Variants in DCHS1 observed in about 807,000 individuals in gnomAD.
DCHS1 encodes the protein protocadherin-16.
In DCHS1, 78 loss-of-function variants were observed where a neutral mutation model predicts 213.9. The observed-to-expected ratio is 0.36, with a 90% CI of 0.30 to 0.44. DCHS1 has a LOEUF of 0.44. DCHS1 is among the 20% of genes least tolerant of loss of function. DCHS1 has a pLI of 1.00. For synonymous variants in DCHS1, 1,828 were observed against 1,873.7 expected (o/e 0.98, Z 0.63); for missense variants, 3,946 against 4,395.9 (o/e 0.90, Z 2.89).
At position 6,625,209 on chromosome 11, in the gene DCHS1, T is replaced by C; in HGVS notation, c.7135A>G (p.Ser2379Gly). 5 of 1,594,352 alleles carry C rather than the reference T, an allele frequency of 3.1e-6. No individual in the cohort carries two copies. The highest frequency in any genetic ancestry group is 4.3e-6 in the Non-Finnish European group (5 of 1,168,980). Residue 2379 changes from serine to glycine, a missense_variant, in exon 19 of 21, where the codon AGC becomes GGC. By Grantham distance (56) the Ser-to-Gly change is moderately conservative (BLOSUM62 0). Around this residue, in one of 3 missense-constraint regions of DCHS1, gnomAD observed 3,384 missense variants for 3,780.1 expected, o/e 0.90. Transcript: ENST00000299441. This position sits in a 1 kb window ranked among gnomAD's most constrained non-coding sequence, Gnocchi z 5.3. ...ATGGGTGTCAATACCTGGTAGAGGC[T>C]CTGTGAGAAGGCAGGTGCATTGTCA... The part of the protein sequence containing the change: ...VNDNAPAFSQ[S>G]LYQVMLLEHT...
chr11:6,631,272 T>A (rs1365905709), intron 8 of DCHS1, 39 bp downstream of exon 8: 1 of 1,613,884 alleles, frequency 6.2e-7, no homozygotes, highest in South Asian at 1.1e-5. Flanking sequence ...CATGAGGGCA[T>A]GCCATCACCC....
rs745506251 is a variant in DCHS1 at position 6,640,165 on chromosome 11, A to G, written c.1449T>C (p.Pro483=). The change falls in exon 2 of 21, where the codon CCT becomes CCC. Residue 483 remains proline, a synonymous_variant. Coordinates refer to ENST00000299441, the MANE Select transcript of DCHS1 (RefSeq NM_003737.4). The surrounding 1 kb of genome is among the most constrained non-coding windows in gnomAD (Gnocchi z 6.5). The part of the protein sequence containing the change: ...DRQLYRPEPL[P]EVALPGSFVV... ...CAAAGCTGCCAGGCAGCGCAACCTC[A>G]GGCAGGGGCTCAGGTCGGTAGAGCT... The G allele has an allele frequency of 1.2e-6, 2 of 1,613,652 alleles. No homozygotes were observed. The highest frequency in any genetic ancestry group is 3.3e-5 in the Admixed American group (2 of 59,972).
Position 6,639,847 on chromosome 11 carries a change from C to T in DCHS1, c.1767G>A (p.Glu589=). 6.2e-7 allele frequency: 1 copy of T among 1,607,608 alleles called. No homozygotes were observed. The highest frequency in any genetic ancestry group is 8.5e-7 in the Non-Finnish European group (1 of 1,175,512). The change falls in exon 2 of 21, where the codon GAG becomes GAA. Residue 589 remains glutamate, a synonymous_variant. Transcript: ENST00000299441. ...GGAAGCAAGTTCCAGGCTGGGTGCC[C>T]TCAGGCAGTGAGGCATTGTAGAAAG... ...QRTFYNASLP[E]GTQPGTCFLQ...
At chr11:6,636,936 G>C (rs541802429) in intron 2 of DCHS1, among the ~76,000 whole-genome samples, 1 of 152,150 alleles carries the variant, frequency 6.6e-6, no homozygotes, top group African/African-American at 2.4e-5. Flanking sequence ...AATCCGACCA[G>C]CCCAAAACTA....
Position 6,626,515 on chromosome 11 carries a change from G to C in DCHS1, c.6364+37C>G. 6.2e-7 allele frequency: 1 copy of C among 1,610,292 alleles called. No homozygotes were observed. The highest frequency in any genetic ancestry group is 8.5e-7 in the Non-Finnish European group (1 of 1,176,878). On this transcript the variant is annotated intron_variant, in intron 15 of 20. Coordinates refer to ENST00000299441, the MANE Select transcript of DCHS1 (RefSeq NM_003737.4). This position sits in a 1 kb window ranked among gnomAD's most constrained non-coding sequence, Gnocchi z 5.2. ...ATGCAAAGAACCTGCTTCCCCAGTAGCCTGTCCTGCACAGAGCCCCTGCTC... is the reference window on the plus strand; with the variant it reads ...ATGCAAAGAACCTGCTTCCCCAGTACCCTGTCCTGCACAGAGCCCCTGCTC...
rs1431007880 is a variant in DCHS1 at position 6,624,290 on chromosome 11, C to T, written c.7386G>A (p.Arg2462=). ...GCACGTGCACTGTGGCTCGTGCTGCCCGGCCTGGAGCCCCGTGGTCTCGTG... is the reference window on the plus strand; with the variant it reads ...GCACGTGCACTGTGGCTCGTGCTGCTCGGCCTGGAGCCCCGTGGTCTCGTG... ...LEARDHGAPG[R]AARATVHVQL... is the part of the protein sequence containing the mutation. Residue 2462 remains arginine (R), a synonymous_variant, in exon 21 of 21, where the codon CGG becomes CGA. Coordinates refer to ENST00000299441, the MANE Select transcript of DCHS1 (RefSeq NM_003737.4). The T allele has an allele frequency of 1.3e-6, 2 of 1,598,230 alleles. No homozygotes were observed. Among genetic ancestry groups the T allele is most frequent in the African/African-American group, 2.7e-5 (2 of 74,684 alleles).
chr11:6,634,075 C>A (rs1398733961), intron 3 of DCHS1, 43 bp downstream of exon 3: 2 of 1,599,876 alleles, frequency 1.3e-6, no homozygotes, highest in Non-Finnish European at 1.7e-6. Context: ...CTGGTGAGTG[C>A]CCTACCCCAA....
Position 6,627,804 on chromosome 11 carries a change from A to C in DCHS1, c.5372-137T>G. 3 of 1,017,156 alleles carry C rather than the reference A, an allele frequency of 2.9e-6. No individual in the cohort carries two copies. The highest frequency in any genetic ancestry group is 4.2e-6 in the Non-Finnish European group (3 of 720,718). 63.0% of individuals were successfully genotyped at this position (1,017,156 alleles called of 1,614,324 possible). A position where few individuals can be genotyped will look rare whatever the true frequency, so the allele number is the denominator to read the frequency against. On this transcript the variant is annotated intron_variant, in intron 13 of 20. Transcript: ENST00000299441. This position sits in a 1 kb window ranked among gnomAD's most constrained non-coding sequence, Gnocchi z 5.4. ...AGAAAGGAAGAAAAACAGAAACAGA[A>C]AGTAAAAGAAGATACTATAAAGCAG... is the stretch of plus-strand genomic sequence containing the variant.
chr11:6,625,868 G>C lies in DCHS1; in HGVS notation c.6731+52C>G, dbSNP rs1564860802. ...ACCAGATGAGTTCAAGGCAGGGCTT[G>C]AAACTGGACAGGCCCAAGATGGGGT... On this transcript the variant is annotated intron_variant, in intron 17 of 20. Coordinates refer to ENST00000299441, the MANE Select transcript of DCHS1 (RefSeq NM_003737.4). This position sits in a 1 kb window ranked among gnomAD's most constrained non-coding sequence, Gnocchi z 5.3. 1.2e-6 allele frequency: 2 copies of C among 1,600,600 alleles called. No individual in the cohort carries two copies. The highest frequency in any genetic ancestry group is 1.7e-6 in the Non-Finnish European group (2 of 1,173,634).
At chr11:6,649,071 C>T (rs542378301) in intron 1 of DCHS1, among the ~76,000 whole-genome samples, 43 of 152,102 alleles carry the variant, frequency 2.8e-4, no homozygotes, top group Middle Eastern at 6.8e-3. Context: ...ATGTCCAGCA[C>T]ACAGTGAACG....
At chr11:6,646,678 T>C (rs1856160631) in intron 1 of DCHS1, among the ~76,000 whole-genome samples, 1 of 152,192 alleles carries the variant, frequency 6.6e-6, no homozygotes, top group South Asian at 2.1e-4. Context: ...CTGTCCCCGG[T>C]CCTGCTACTT....
Position 6,628,510 on chromosome 11 carries a change from T to C in DCHS1, c.5371+111A>G. On this transcript the variant is annotated intron_variant, in intron 13 of 20. Transcript: ENST00000299441. This position sits in a 1 kb window ranked among gnomAD's most constrained non-coding sequence, Gnocchi z 4.3. ...AGCATGAAAGAAAAGGTGGACGACA[T>C]CAAGAGGGAAAAGGAGACCCAGACA... The C allele has an allele frequency of 8.2e-7, 1 of 1,223,350 alleles. No homozygotes were observed. The highest frequency in any genetic ancestry group is 1.3e-5 in the South Asian group (1 of 77,532). The allele number at this position is 1,223,350 out of a possible 1,614,324, so 75.8% of individuals were successfully genotyped here.
At position 6,622,311 on chromosome 11, in the gene DCHS1, C is replaced by A. The variant is rs1291195508; in HGVS notation, c.9365G>T (p.Gly3122Val). 1 of 1,605,662 alleles carries A rather than the reference C, an allele frequency of 6.2e-7. No individual in the cohort carries two copies. Among genetic ancestry groups the A allele is most frequent in the African/African-American group, 1.3e-5 (1 of 74,924 alleles). The change falls in exon 21 of 21, where the codon GGC (glycine) becomes GTC (valine). Residue 3122 changes from glycine (G) to valine (V), a missense_variant. Gly to Val is a moderately radical substitution (Grantham distance 109). This residue lies in a region of DCHS1 where 554 missense variants were observed against 590.2 expected (regional missense o/e 0.94). Transcript: ENST00000299441. This position sits in a 1 kb window ranked among gnomAD's most constrained non-coding sequence, Gnocchi z 5.4. The stretch of plus-strand genomic sequence containing the variant: ...AGTGGGTGCAGGGCTCAGGCCACAG[C>A]CCCCCAGGAAGGCTGTGGCAGTGGC... Reference protein sequence around the residue: ...PPATATAFLGGCGLSPAPTGD... With the variant: ...PPATATAFLGVCGLSPAPTGD...
Position 6,622,180 on chromosome 11 carries a change from G to C in DCHS1, c.9496C>G (p.Leu3166Val), listed in dbSNP as rs1391379315. ...TGGAACTGAGGGCACCAGCTCAGCA[G>C]GTAGTCCCAGTTATAGCTGCCACGG... ...ELRGSYNWDY[L>V]LSWCPQFQPL... The change falls in exon 21 of 21, where the codon CTG becomes GTG. Residue 3166 changes from leucine (L) to valine (V), a missense_variant. Leu to Val is a conservative substitution (Grantham distance 32). Coordinates refer to ENST00000299441, the MANE Select transcript of DCHS1 (RefSeq NM_003737.4). This position sits in a 1 kb window ranked among gnomAD's most constrained non-coding sequence, Gnocchi z 5.4. 1.2e-6 allele frequency: 2 copies of C among 1,609,066 alleles called. No homozygotes were observed. The highest frequency in any genetic ancestry group is 1.3e-5 in the African/African-American group (1 of 74,880).
At position 6,626,006 on chromosome 11, in the gene DCHS1, C is replaced by T. The variant is rs767481546; in HGVS notation, c.6645G>A (p.Pro2215=). ...GGTCTACGTGGAACAATCCACGTGC[C>T]GGCTGGGATGCAGCCAGACTGTAGG... ...QISYSLAASQ[P]ARGLFHVDPT... is the part of the protein sequence containing the mutation. Residue 2215 remains proline, a synonymous_variant, in exon 17 of 21, where the codon CCG becomes CCA. Coordinates refer to ENST00000299441, the MANE Select transcript of DCHS1 (RefSeq NM_003737.4). The surrounding 1 kb of genome is among the most constrained non-coding windows in gnomAD (Gnocchi z 5.2). 1.4e-5 allele frequency: 22 copies of T among 1,612,766 alleles called. No homozygotes were observed. Among genetic ancestry groups the T allele is most frequent in the Admixed American group, 1.7e-5 (1 of 59,866 alleles).
chr11:6,634,219 A>C lies in DCHS1; in HGVS notation c.1885T>G (p.Phe629Val). The change falls in exon 3 of 21, where the codon TTC (phenylalanine) becomes GTC (valine). Residue 629 changes from phenylalanine (F) to valine (V), a missense_variant. Phe to Val is a conservative substitution (Grantham distance 50, BLOSUM62 -1). This residue lies in a region of DCHS1 where 3,384 missense variants were observed against 3,780.1 expected (regional missense o/e 0.90). Coordinates refer to ENST00000299441, the MANE Select transcript of DCHS1 (RefSeq NM_003737.4). The part of the protein sequence containing the change: ...AGLGSSGSPP[F>V]RIDAHSGDVC... The stretch of plus-strand genomic sequence containing the variant: ...TCACCGCTGTGGGCATCAATGCGGA[A>C]TGGGGGAGATCCGGAGGACCCAAGT... The C allele has an allele frequency of 6.2e-7, 1 of 1,613,942 alleles. No individual in the cohort carries two copies. Among genetic ancestry groups the C allele is most frequent in the East Asian group, 2.2e-5 (1 of 44,884 alleles).
Position 6,631,727 on chromosome 11 carries a change from G to T in DCHS1, c.3564C>A (p.Ser1188Arg). ...CAGTGCCTGTGGTGCTGCGGGGTGG[G>T]CTCCCTCCATCCTGCACCTGCACCA... ...QLLVQVQDGG[S>R]PPRSTTGTVH... Residue 1188 changes from serine (S) to arginine (R), a missense_variant, in exon 7 of 21, where the codon AGC (serine) becomes AGA (arginine). Ser to Arg is a moderately radical substitution (Grantham distance 110). This residue lies in a region of DCHS1 where 3,384 missense variants were observed against 3,780.1 expected (regional missense o/e 0.90). Coordinates refer to ENST00000299441, the MANE Select transcript of DCHS1 (RefSeq NM_003737.4). 2 of 1,609,122 alleles carry T rather than the reference G, an allele frequency of 1.2e-6. No homozygotes were observed. Among genetic ancestry groups the T allele is most frequent in the Non-Finnish European group, 8.5e-7 (1 of 1,177,548 alleles).
chr11:6,653,014 A>G (rs1387212966), intron 1 of DCHS1, among the ~76,000 whole-genome samples: 2 of 152,120 alleles, frequency 1.3e-5, no homozygotes, highest in African/African-American at 2.4e-5. Flanking sequence ...TCAGAGTGGT[A>G]TTTCTAAAAT....
chr11:6,630,510 G>A lies in DCHS1; in HGVS notation c.4284C>T (p.Asp1428=). The change falls in exon 10 of 21, where the codon GAC becomes GAT. Residue 1428 remains aspartate (D), a synonymous_variant. Coordinates refer to ENST00000299441, the MANE Select transcript of DCHS1 (RefSeq NM_003737.4). ...RLLRVQVQVQ[D]ENEHAPAFAR... Reference sequence around the variant, plus strand: ...CAAAGGCGGGCGCATGCTCATTCTCGTCCTGCACTTGCACCTGCACTCGCA... The same window carrying A: ...CAAAGGCGGGCGCATGCTCATTCTCATCCTGCACTTGCACCTGCACTCGCA... 6.5e-7 allele frequency: 1 copy of A among 1,539,330 alleles called. No homozygotes were observed. Among genetic ancestry groups the A allele is most frequent in the Non-Finnish European group, 8.7e-7 (1 of 1,149,440 alleles).
Sources: allele counts gnomAD v4.1 joint callset (sites outside exome capture counted in the v4.1 genomes callset), GRCh38; gene constraint gnomAD v4.1.1; regional missense constraint gnomAD v4.1.1; non-coding constraint Gnocchi (gnomAD v3.1); transcripts MANE v1.5; gene names NCBI Gene and HGNC (gene_info 2026-07-23, HGNC 2026-07-21).